The following DPP10 variants were observed in gnomAD, a reference collection of about 807,000 sequenced individuals.
The protein encoded by DPP10 is inactive dipeptidyl peptidase 10.
In DPP10, 33 loss-of-function variants were observed where a neutral mutation model predicts 120.9. The observed-to-expected ratio is 0.27, with a 90% confidence interval of 0.21 to 0.37. DPP10 has a LOEUF of 0.37. Ranked by LOEUF, DPP10 falls within the 10% of genes least tolerant of loss-of-function variation. The pLI is 1.00. For missense variants in DPP10, 816 were observed against 942.8 expected (o/e 0.87, Z 1.76); for synonymous variants, 337 against 326.1 (o/e 1.03, Z -0.36).
chr2:114,936,376 T>TATATATACAC (rs1244436381), intron 1 of DPP10, among the ~76,000 whole-genome samples: 1 of 151,888 alleles, frequency 6.6e-6, no homozygotes, highest in Admixed American at 6.6e-5. Flanking sequence ...TGTGTGTGTA[T>TATATATACAC]ATATATACAC....
intron 1 of DPP10, among the ~76,000 whole-genome samples, chr2:115,004,062 G>A (rs1357582839): frequency 1.3e-5 from 2 of 152,062 alleles, no homozygotes; most frequent in Admixed American, 1.3e-4. Context: ...ACTGCACTTC[G>A]TATCGAAGGT....
intron 1 of DPP10, among the ~76,000 whole-genome samples, chr2:114,630,296 TC>T (rs1694824682): frequency 6.6e-6 from 1 of 152,168 alleles, no homozygotes; most frequent in Non-Finnish European, 1.5e-5. Flanking sequence ...TATTTCAGTG[TC>T]TTTGAAAAGC....
At chr2:115,014,473 A>C (rs1321429124) in intron 1 of DPP10, among the ~76,000 whole-genome samples, 1 of 152,154 alleles carries the variant, frequency 6.6e-6, no homozygotes, top group Non-Finnish European at 1.5e-5. Context: ...AACTAGCAGA[A>C]GACAAGAAAT....
At chr2:115,364,948 T>C (rs2064996575) in intron 3 of DPP10, among the ~76,000 whole-genome samples, 1 of 152,002 alleles carries the variant, frequency 6.6e-6, no homozygotes, top group Admixed American at 6.6e-5. Context: ...GAGAAGAAAA[T>C]CACTCAGCTT....
At chr2:115,622,510 C>CTTTTTTTTTTTTTTTTTTTTTTTTTT (rs70941082) in intron 5 of DPP10, among the ~76,000 whole-genome samples, 4 of 117,448 alleles carry the variant, frequency 3.4e-5, no homozygotes, top group African/African-American at 1.0e-4. Context: ...ATTTTATTGT[C>CTTTTTTTTTTTTTTTTTTTTTTTTTT]TTTTTTTTTT....
intron 1 of DPP10, among the ~76,000 whole-genome samples, chr2:115,113,286 TAATGTGGGTATATTTA>T (rs2049325171): frequency 6.6e-6 from 1 of 152,018 alleles, no homozygotes; most frequent in Non-Finnish European, 1.5e-5. Context: ...TATATATACA[TAATGTGGGTATATTTA>T]AATGTGTCTA....
chr2:114,907,140 TA>T (rs35061861), intron 1 of DPP10, among the ~76,000 whole-genome samples: 32,719 of 151,522 alleles, frequency 0.22, 3,640 homozygotes, highest in East Asian at 0.26. Context: ...CTTTCATATT[TA>T]AAAAAAAATA....
chr2:114,858,725 T>C (rs1689563951), intron 1 of DPP10, among the ~76,000 whole-genome samples: 1 of 152,164 alleles, frequency 6.6e-6, no homozygotes, highest in Non-Finnish European at 1.5e-5. Flanking sequence ...AGAATAATAT[T>C]AGTATTACTA....
chr2:114,582,430 G>A (rs544774813), intron 1 of DPP10, among the ~76,000 whole-genome samples: 96 of 152,292 alleles, frequency 6.3e-4, no homozygotes, highest in African/African-American at 2.2e-3. Context: ...ACAGATATAT[G>A]TTTTGAACTC....
chr2:114,533,756 C>G (rs555911362), intron 1 of DPP10, among the ~76,000 whole-genome samples: 1 of 152,202 alleles, frequency 6.6e-6, no homozygotes, highest in South Asian at 2.1e-4. Context: ...AAATAATTTT[C>G]CTTCAAAATT....
chr2:115,341,271 T>TA (rs2063430214), intron 2 of DPP10, among the ~76,000 whole-genome samples: 4 of 152,106 alleles, frequency 2.6e-5, no homozygotes, highest in South Asian at 2.1e-4. Flanking sequence ...AGTTTTTTTT[T>TA]ATAATAGATT....
rs546137936 is a variant in DPP10 at position 115,731,954 on chromosome 2, C to T, written c.697+4018C>T. On this transcript the variant is annotated intron_variant, in intron 8 of 25. Transcript: ENST00000410059. ...AAGAGTCCTACATGCACCTTACCCT[C>T]CCACTATCACCTTGCTTGTGGAATG... Among the ~76,000 whole-genome samples, 103 of 152,316 alleles carry T rather than the reference C, an allele frequency of 6.8e-4. 1 individual carries two copies. Among genetic ancestry groups the T allele is most frequent in the Non-Finnish European group, 1.2e-3 (79 of 68,028 alleles).
intron 5 of DPP10, among the ~76,000 whole-genome samples, chr2:115,603,579 T>G (rs1251485779): frequency 6.8e-6 from 1 of 147,450 alleles, no homozygotes; most frequent in Non-Finnish European, 1.5e-5. Flanking sequence ...TGTTTTTTTT[T>G]TTTTTGGATT....
chr2:114,662,682 G>A (rs1697523397), intron 1 of DPP10, among the ~76,000 whole-genome samples: 1 of 152,104 alleles, frequency 6.6e-6, no homozygotes. Flanking sequence ...TGACCACAAC[G>A]CGCAGAAACC....
intron 24 of DPP10, 139 bp from the exon 25 acceptor site, chr2:115,840,611 A>T: frequency 1.2e-6 from 1 of 824,032 alleles, no homozygotes; most frequent in Non-Finnish European, 1.9e-6. Flanking sequence ...GGCGTGAGCC[A>T]CCGTGCCCAG....
intron 2 of DPP10, among the ~76,000 whole-genome samples, chr2:115,332,946 G>C (rs764843841): frequency 6.6e-6 from 1 of 152,086 alleles, no homozygotes; most frequent in Non-Finnish European, 1.5e-5. Context: ...GGTCCACTTG[G>C]TGCAGTGCTG....
chr2:114,481,095 A>T (rs996294355), intron 1 of DPP10, among the ~76,000 whole-genome samples: 2 of 152,026 alleles, frequency 1.3e-5, no homozygotes, highest in Admixed American at 6.6e-5. Context: ...TGACACCGAA[A>T]GCATGATCCA....
chr2:115,256,451 A>C (rs1574188905), intron 1 of DPP10, among the ~76,000 whole-genome samples: 1 of 152,214 alleles, frequency 6.6e-6, no homozygotes, highest in African/African-American at 2.4e-5. Context: ...CTGAAGCAGC[A>C]GACTGAGCAG....
chr2:115,609,163 G>T lies in DPP10; in HGVS notation c.442-80524G>T, dbSNP rs529559011. Among the ~76,000 whole-genome samples, 152 of 152,260 alleles carry T rather than the reference G, an allele frequency of 1.0e-3. 1 individual carries two copies. The highest frequency in any genetic ancestry group is 1.6e-3 in the Non-Finnish European group (112 of 68,010). On this transcript the variant is annotated intron_variant, in intron 5 of 25. Coordinates refer to ENST00000410059, the MANE Select transcript of DPP10 (RefSeq NM_020868.6). The stretch of plus-strand genomic sequence containing the variant: ...AATCTCAGAAAGGGTCTTCATAATG[G>T]CAGTATTAGACATTAGAAGACATTA...
Sources: gnomAD v4.1 joint callset for allele counts (sites outside exome capture counted in the v4.1 genomes callset) on GRCh38, gnomAD v4.1.1 for gene constraint, MANE v1.5 for transcripts, NCBI Gene and HGNC (gene_info 2026-07-23, HGNC 2026-07-21) for gene names.